ZBBX: variants seen among roughly 807,000 people sequenced by gnomAD.
ZBBX encodes the protein zinc finger B-box domain-containing protein 1.
In ZBBX, 101 loss-of-function variants were observed where a neutral mutation model predicts 108.5. That is an observed-to-expected ratio of 0.93 (90% CI 0.79 to 1.10). The LOEUF is 1.10. Among genes scored for constraint, ZBBX ranks in the 50% least tolerant of loss-of-function variants. The pLI, the probability that ZBBX is intolerant of heterozygous loss-of-function variation, is 0.00. For synonymous variants in ZBBX, 356 were observed against 323.4 expected (o/e 1.10, Z -1.08); for missense variants, 1,009 against 941.4 (o/e 1.07, Z -0.94).
intron 9 of ZBBX, among the ~76,000 whole-genome samples, chr3:167,339,346 A>C (rs1196230580): frequency 7.9e-5 from 12 of 152,172 alleles, no homozygotes; most frequent in Non-Finnish European, 1.6e-4. Flanking sequence ...AGCACAAAGA[A>C]GCTGTAAAGA....
chr3:167,235,396 T>C (rs1443692136), downstream of ZBBX, among the ~76,000 whole-genome samples: 2 of 151,622 alleles, frequency 1.3e-5, no homozygotes, highest in Non-Finnish European at 3.0e-5. Context: ...AAAAGACTTA[T>C]TTCATATTTA....
intron 20 of ZBBX, among the ~76,000 whole-genome samples, chr3:167,277,440 A>G (rs369837977): frequency 1.3e-5 from 2 of 152,028 alleles, no homozygotes; most frequent in Non-Finnish European, 2.9e-5. Context: ...AAAGGCAGGG[A>G]TTGCAATCCT....
chr3:167,186,030 T>G, the ZBBX span, among the ~76,000 whole-genome samples: 1 of 152,090 alleles, frequency 6.6e-6, no homozygotes, highest in Non-Finnish European at 1.5e-5. Context: ...TACTTTATTT[T>G]CCTTCATAAA....
At chr3:167,391,411 A>G (rs1056395481) in intron 1 of ZBBX, among the ~76,000 whole-genome samples, 1 of 152,012 alleles carries the variant, frequency 6.6e-6, no homozygotes, top group African/African-American at 2.4e-5. Context: ...GGATTTTTGC[A>G]TCAATGTTCA....
intron 18 of ZBBX, among the ~76,000 whole-genome samples, chr3:167,291,647 C>T (rs762076676): frequency 2.6e-5 from 4 of 152,136 alleles, no homozygotes; most frequent in Non-Finnish European, 4.4e-5. Context: ...ACTGCATCCA[C>T]TAACGGGCAA....
At chr3:167,354,282 ACATACTGTTTTTACACAT>A (rs1268356637) in intron 8 of ZBBX, among the ~76,000 whole-genome samples, 11 of 152,066 alleles carry the variant, frequency 7.2e-5, no homozygotes, top group Middle Eastern at 6.8e-3. Flanking sequence ...TCTACTGAAT[ACATACTGTTTTTACACAT>A]CATAAAGTCA....
chr3:167,259,944 T>G (rs1316491963), intron 20 of ZBBX, among the ~76,000 whole-genome samples: 3 of 152,206 alleles, frequency 2.0e-5, no homozygotes, highest in African/African-American at 7.2e-5. Context: ...AATTAAGCTT[T>G]AAACAGGTTC....
chr3:167,262,535 G>GTTT (rs1560039952), intron 20 of ZBBX, among the ~76,000 whole-genome samples: 3 of 152,222 alleles, frequency 2.0e-5, no homozygotes, highest in Middle Eastern at 3.4e-3. Context: ...TTGTTTGTTT[G>GTTT]TTTTGAGATG....
At chr3:167,297,035 C>A (rs1576923743) in intron 18 of ZBBX, among the ~76,000 whole-genome samples, 1 of 151,854 alleles carries the variant, frequency 6.6e-6, no homozygotes, top group Non-Finnish European at 1.5e-5. Context: ...ACATACAGAC[C>A]AATGAAATGG....
At chr3:167,213,478 G>A in the ZBBX span, among the ~76,000 whole-genome samples, 2 of 151,970 alleles carry the variant, frequency 1.3e-5, no homozygotes, top group South Asian at 2.1e-4. Flanking sequence ...GAAATAAGAA[G>A]TCAGAGAAAA....
the ZBBX span, among the ~76,000 whole-genome samples, chr3:167,180,564 A>T: frequency 1.3e-5 from 2 of 152,342 alleles, no homozygotes; most frequent in African/African-American, 4.8e-5. Flanking sequence ...GGGCAGCACA[A>T]AGTATATCCT....
At chr3:167,330,961 C>T (rs866419717) in intron 10 of ZBBX, among the ~76,000 whole-genome samples, 1 of 130,250 alleles carries the variant, frequency 7.7e-6, no homozygotes, top group Admixed American at 8.1e-5. Flanking sequence ...CTCTCTCTCT[C>T]TCTCCCCCAC....
chr3:167,363,924 G>A (rs545565991), intron 6 of ZBBX, among the ~76,000 whole-genome samples: 4 of 152,050 alleles, frequency 2.6e-5, no homozygotes, highest in African/African-American at 9.6e-5. Context: ...ATTACAAAGT[G>A]GTTTCACATA....
intron 16 of ZBBX, among the ~76,000 whole-genome samples, chr3:167,306,282 T>G (rs2108233187): frequency 6.6e-6 from 1 of 152,270 alleles, no homozygotes; most frequent in Non-Finnish European, 1.5e-5. Flanking sequence ...TCACTCAAAT[T>G]TTACAACAGT....
chr3:167,351,870 C>T (rs144351110), intron 8 of ZBBX, among the ~76,000 whole-genome samples: 16 of 152,206 alleles, frequency 1.1e-4, no homozygotes, highest in African/African-American at 3.4e-4. Flanking sequence ...TCAAGCACCC[C>T]ATTCCTGTCA....
intron 20 of ZBBX, among the ~76,000 whole-genome samples, chr3:167,250,907 G>C (rs1179347411): frequency 6.6e-6 from 1 of 152,118 alleles, no homozygotes; most frequent in East Asian, 1.9e-4. Flanking sequence ...CTCATTCTGG[G>C]CCTATAAAAA....
intron 20 of ZBBX, among the ~76,000 whole-genome samples, chr3:167,253,991 A>G (rs1723050516): frequency 2.0e-5 from 3 of 152,154 alleles, no homozygotes; most frequent in Admixed American, 2.0e-4. Flanking sequence ...AACTAATTAA[A>G]TGGTCACCTG....
At chr3:167,360,947 T>A (rs909670630) in intron 6 of ZBBX, among the ~76,000 whole-genome samples, 1 of 152,030 alleles carries the variant, frequency 6.6e-6, no homozygotes, top group South Asian at 2.1e-4. Context: ...TAAAAATATA[T>A]CTAAACCAGT....
chr3:167,218,068 A>G, the ZBBX span, among the ~76,000 whole-genome samples: 1 of 151,992 alleles, frequency 6.6e-6, no homozygotes, highest in African/African-American at 2.4e-5. Context: ...AGTGGGAGCT[A>G]GATGATAAGA....
Sources: gnomAD v4.1 joint callset for allele counts (sites outside exome capture counted in the v4.1 genomes callset) on GRCh38, gnomAD v4.1.1 for gene constraint, MANE v1.5 for transcripts, NCBI Gene and HGNC (gene_info 2026-07-23, HGNC 2026-07-21) for gene names.